The following CAMTA1 variants were observed in gnomAD, a reference collection of about 807,000 sequenced individuals.
The protein encoded by CAMTA1 is calmodulin-binding transcription activator 1.
Under a neutral mutation model 170.9 loss-of-function variants are expected in CAMTA1, and 27 were observed. The observed-to-expected ratio is 0.16, with a 90% CI of 0.12 to 0.22. The LOEUF is 0.22. Among genes scored for constraint, CAMTA1 ranks in the 10% least tolerant of loss-of-function variants. The pLI is 1.00. For missense variants in CAMTA1, 1,619 were observed against 2,217.2 expected, an observed-to-expected ratio of 0.73 and a Z score of 5.42; for synonymous variants, 833 against 891.5, an observed-to-expected ratio of 0.93 and a Z score of 1.17.
At chr1:7,575,364 C>G (rs1013395610) in intron 6 of CAMTA1, among the ~76,000 whole-genome samples, 3 of 152,182 alleles carry the variant, frequency 2.0e-5, no homozygotes, top group African/African-American at 7.2e-5. Context: ...TCCCACCAAA[C>G]AGAGAGGCAG....
chr1:6,808,435 C>T (rs1644774292), intron 1 of CAMTA1, among the ~76,000 whole-genome samples: 1 of 152,150 alleles, frequency 6.6e-6, no homozygotes, highest in Non-Finnish European at 1.5e-5. Flanking sequence ...GTTGCACCTG[C>T]CTCAGGAACA....
At chr1:7,648,461 T>G (rs1395160100) in intron 7 of CAMTA1, among the ~76,000 whole-genome samples, 1 of 150,890 alleles carries the variant, frequency 6.6e-6, no homozygotes, top group Non-Finnish European at 1.5e-5. Flanking sequence ...GCTACAGGTG[T>G]GGGCACAGTA....
Position 7,514,997 on chromosome 1 carries a change from C to T in CAMTA1, c.510+47096C>T, listed in dbSNP as rs116432533. 4.6e-3 allele frequency among the ~76,000 whole-genome samples: 693 copies of T among 151,336 alleles called. 9 individuals are homozygous for T. Among genetic ancestry groups the T allele is most frequent in the African/African-American group, 0.016 (649 of 41,198 alleles). ...CTCCCTCCACCCAGGATCATCAGGC[C>T]GGCCCTCCCCTGCTCCCTTCACCTG... is the stretch of plus-strand genomic sequence containing the variant. On this transcript the variant is annotated intron_variant, in intron 6 of 22. Coordinates refer to ENST00000303635, the MANE Select transcript of CAMTA1 (RefSeq NM_015215.4).
At chr1:6,983,915 G>A in intron 3 of CAMTA1, among the ~76,000 whole-genome samples, 1 of 147,462 alleles carries the variant, frequency 6.8e-6, no homozygotes, top group Non-Finnish European at 1.5e-5. Flanking sequence ...TGATTGGGTG[G>A]GTGGGTAAAT....
intron 5 of CAMTA1, among the ~76,000 whole-genome samples, chr1:7,349,593 A>C (rs2084499598): frequency 6.6e-6 from 1 of 152,192 alleles, no homozygotes; most frequent in South Asian, 2.1e-4. Context: ...AGGTGCGGGC[A>C]GGGCAGGTTC....
rs55915943 is a variant in CAMTA1 at position 7,144,613 on chromosome 1, A to C, written c.302+53242A>C. Reference sequence around the variant, plus strand: ...ACTCTCATTTTCAGAACTCGTTACGAGACTTGTTTATACAGATATTAGGAC... The same window carrying C: ...ACTCTCATTTTCAGAACTCGTTACGCGACTTGTTTATACAGATATTAGGAC... On this transcript the variant is annotated intron_variant, in intron 4 of 22. Coordinates refer to ENST00000303635, the MANE Select transcript of CAMTA1 (RefSeq NM_015215.4). The surrounding 1 kb of genome is among the most constrained non-coding windows in gnomAD (Gnocchi z 4.0). 0.058 allele frequency among the ~76,000 whole-genome samples: 8,767 copies of C among 152,228 alleles called. 599 individuals are homozygous for C. Among genetic ancestry groups the C allele is most frequent in the African/African-American group, 0.17 (7,027 of 41,498 alleles).
rs371168802 is a variant in CAMTA1, at chr1:6,963,691, G to A, written c.235-127613G>A. ...GCTCTCCGACCCCTCCCCAGACCTG[G>A]TGGGGCGGGCTGCTGACCTGGCTGG... On this transcript the variant is annotated intron_variant, in intron 3 of 22. Coordinates refer to ENST00000303635, the MANE Select transcript of CAMTA1 (RefSeq NM_015215.4). 2.2e-4 allele frequency among the ~76,000 whole-genome samples: 33 copies of A among 152,312 alleles called. No homozygotes were observed. The East Asian group carries it at 3.9e-3, about 18-fold the overall frequency.
intron 5 of CAMTA1, among the ~76,000 whole-genome samples, chr1:7,258,458 T>G (rs182618801): frequency 2.0e-4 from 31 of 152,274 alleles, no homozygotes; most frequent in African/African-American, 7.0e-4. Flanking sequence ...TCAGTTACAA[T>G]GTAAACCCTT....
intron 5 of CAMTA1, among the ~76,000 whole-genome samples, chr1:7,347,116 G>A (rs997541991): frequency 6.6e-6 from 1 of 152,190 alleles, no homozygotes; most frequent in Non-Finnish European, 1.5e-5. Context: ...GGAGAGATCC[G>A]GCTGCCTCAT....
At chr1:7,034,930 T>A (rs901747814) in intron 3 of CAMTA1, among the ~76,000 whole-genome samples, 5 of 152,210 alleles carry the variant, frequency 3.3e-5, no homozygotes, top group African/African-American at 9.7e-5. Flanking sequence ...TTGTTTTTTT[T>A]AAAATAAAAA....
chr1:6,857,080 A>G (rs761481014), intron 3 of CAMTA1, among the ~76,000 whole-genome samples: 7 of 152,190 alleles, frequency 4.6e-5, no homozygotes, highest in Non-Finnish European at 1.0e-4. Context: ...TTTGCTATTT[A>G]CAGCCACCGT....
In CAMTA1 at chr1:7,310,700, C is replaced by CTCTT. The variant is rs71571885; in HGVS notation, c.438+61116_438+61119dup. 9.9e-3 allele frequency among the ~76,000 whole-genome samples: 526 copies of CTCTT among 53,218 alleles called. 20 individuals carry two copies. Among genetic ancestry groups the CTCTT allele is most frequent in the Non-Finnish European group, 0.011 (335 of 31,364 alleles). The allele number at this position is 53,218 out of a possible 152,430, so 34.9% of individuals were successfully genotyped here. A position where few individuals can be genotyped will look rare whatever the true frequency, so the allele number is the denominator to read the frequency against. On this transcript the variant is annotated intron_variant, in intron 5 of 22. Coordinates refer to ENST00000303635, the MANE Select transcript of CAMTA1 (RefSeq NM_015215.4). ...TCTTTCTCTCTCTCTCTCTCTCTCTCTCTTTCTTTCTTTCTTTCTTTCTTT... is the reference window on the plus strand; with the variant it reads ...TCTTTCTCTCTCTCTCTCTCTCTCTCTCTTTCTTTCTTTCTTTCTTTCTTTCTTT...
intron 11 of CAMTA1, among the ~76,000 whole-genome samples, chr1:7,707,935 C>T (rs773225012): frequency 5.3e-5 from 8 of 152,196 alleles, no homozygotes; most frequent in Non-Finnish European, 1.0e-4. Flanking sequence ...GACAGGCAGA[C>T]AAGGAGATGC....
chr1:7,508,668 G>A (rs2094156427), intron 6 of CAMTA1, among the ~76,000 whole-genome samples: 1 of 151,902 alleles, frequency 6.6e-6, no homozygotes, highest in South Asian at 2.1e-4. Context: ...AGAGAAGGGA[G>A]GAGGAAAGTG....
At chr1:6,859,607 A>AGG (rs1663866642) in intron 3 of CAMTA1, among the ~76,000 whole-genome samples, 1 of 152,004 alleles carries the variant, frequency 6.6e-6, no homozygotes, top group African/African-American at 2.4e-5. Flanking sequence ...TGGGCAACAT[A>AGG]GGGAGACCTG....
At chr1:7,559,328 G>A (rs557855283) in intron 6 of CAMTA1, among the ~76,000 whole-genome samples, 1 of 152,250 alleles carries the variant, frequency 6.6e-6, no homozygotes, top group South Asian at 2.1e-4. Context: ...CCAGGGGAGG[G>A]GAGGTTCTCA....
intron 7 of CAMTA1, among the ~76,000 whole-genome samples, chr1:7,659,521 G>A (rs1011388613): frequency 3.3e-5 from 5 of 152,068 alleles, no homozygotes; most frequent in African/African-American, 1.2e-4. Context: ...GCAACAGAGC[G>A]AGACTCTGTC....
chr1:6,837,839 G>T (rs1267036834), intron 3 of CAMTA1, among the ~76,000 whole-genome samples: 2 of 152,142 alleles, frequency 1.3e-5, no homozygotes, highest in Admixed American at 1.3e-4. Flanking sequence ...GCAATTCAGA[G>T]AACCTGCTGT....
chr1:6,858,355 T>C (rs1663217072), intron 3 of CAMTA1, among the ~76,000 whole-genome samples: 2 of 152,214 alleles, frequency 1.3e-5, no homozygotes, highest in South Asian at 2.1e-4. Flanking sequence ...TTCAGTATTA[T>C]TACAATAAAA....
Sources: gnomAD v4.1 joint callset for allele counts (sites outside exome capture counted in the v4.1 genomes callset) on GRCh38, gnomAD v4.1.1 for gene constraint, Gnocchi (gnomAD v3.1) non-coding constraint, MANE v1.5 for transcripts, NCBI Gene and HGNC (gene_info 2026-07-23, HGNC 2026-07-21) for gene names.